The following PRKAG2 variants were observed in gnomAD, a reference collection of about 807,000 sequenced individuals.
The protein encoded by PRKAG2 is protein kinase AMP-activated non-catalytic subunit gamma 2.
PRKAG2 carries 26 observed loss-of-function variants against 69.6 expected under a neutral mutation model. That is an observed-to-expected ratio of 0.37 (90% confidence interval 0.27 to 0.52). The LOEUF is 0.52. PRKAG2 is among the 20% of genes least tolerant of loss of function. The probability of loss-of-function intolerance (pLI) is 0.90; values close to 1 mark genes in which losing one functional copy is unlikely to be tolerated. For synonymous variants in PRKAG2, 293 were observed against 285.0 expected (o/e 1.03, Z -0.28); for missense variants, 557 against 740.0 (o/e 0.75, Z 2.87).
At chr7:151,792,964 A>C (rs762393868) in intron 1 of PRKAG2, among the ~76,000 whole-genome samples, 1 of 152,196 alleles carries the variant, frequency 6.6e-6, no homozygotes, top group African/African-American at 2.4e-5. Flanking sequence ...CCGGAGCCCC[A>C]GCTCTGTGAT....
chr7:151,700,081 C>T (rs541951708), intron 3 of PRKAG2, among the ~76,000 whole-genome samples: 1 of 152,296 alleles, frequency 6.6e-6, no homozygotes, highest in African/African-American at 2.4e-5. Flanking sequence ...CCTGTCATCT[C>T]ATAGGAAACA....
chr7:151,572,530 C>T (rs1280050205), intron 9 of PRKAG2, 134 bp downstream of exon 9: 2 of 695,266 alleles, frequency 2.9e-6, no homozygotes, highest in Admixed American at 2.5e-5. Flanking sequence ...TCAAAATTAA[C>T]AGAAATAAAG....
chr7:151,632,895 C>T lies in PRKAG2; in HGVS notation c.685-757G>A, dbSNP rs1385088116. On this transcript the variant is annotated intron_variant, in intron 4 of 15. Coordinates refer to ENST00000287878, the MANE Select transcript of PRKAG2 (RefSeq NM_016203.4). The surrounding 1 kb of genome is among the most constrained non-coding windows in gnomAD (Gnocchi z 4.2). ...TCGGTTGGGGAGCCGCTGCCAAAAA[C>T]GTACACACCCTGAATCTGGCCCTGG... The T allele has an allele frequency of 6.7e-6, 1 of 149,022 alleles. No homozygotes were observed. The highest frequency in any genetic ancestry group is 2.5e-5 in the African/African-American group (1 of 40,360). 9.2% of individuals were successfully genotyped at this position (149,022 alleles called of 1,614,324 possible).
At chr7:151,778,833 T>C (rs908218556) in intron 3 of PRKAG2, among the ~76,000 whole-genome samples, 5 of 152,164 alleles carry the variant, frequency 3.3e-5, no homozygotes, top group African/African-American at 4.8e-5. Context: ...ACCCATCCAC[T>C]CCTAATTCTT....
At chr7:151,569,369 G>T (rs899289794) in intron 10 of PRKAG2, among the ~76,000 whole-genome samples, 27 of 152,238 alleles carry the variant, frequency 1.8e-4, no homozygotes, top group African/African-American at 6.0e-4. Flanking sequence ...TGTATTTAGT[G>T]ATTTTATTTG....
intron 4 of PRKAG2, among the ~76,000 whole-genome samples, chr7:151,665,326 C>A (rs1157721019): frequency 1.3e-5 from 2 of 152,160 alleles, no homozygotes; most frequent in African/African-American, 4.8e-5. Context: ...AACAGCTTTT[C>A]TTTGGAGCTC....
chr7:151,773,398 A>C (rs553400933), intron 3 of PRKAG2, among the ~76,000 whole-genome samples: 1 of 152,322 alleles, frequency 6.6e-6, no homozygotes, highest in South Asian at 2.1e-4. Flanking sequence ...CAGCACCTGG[A>C]CTAAAAGTGG....
chr7:151,628,169 G>A (rs992062304), intron 5 of PRKAG2, among the ~76,000 whole-genome samples: 6 of 152,126 alleles, frequency 3.9e-5, no homozygotes, highest in African/African-American at 1.4e-4. Context: ...GAGAGAATGC[G>A]GACCGCTCTA....
At chr7:151,617,260 G>A (rs1013621275) in intron 5 of PRKAG2, among the ~76,000 whole-genome samples, 11 of 33,620 alleles carry the variant, frequency 3.3e-4, no homozygotes, top group Non-Finnish European at 6.3e-4. Flanking sequence ...GGGAAGGAGC[G>A]AGGGAAGGAG....
Position 151,632,021 on chromosome 7 carries a change from G to A in PRKAG2, c.754+48C>T, listed in dbSNP as rs1563304722. 26 of 1,251,244 alleles carry A rather than the reference G, an allele frequency of 2.1e-5. No individual in the cohort carries two copies. The highest frequency in any genetic ancestry group is 2.4e-5 in the Non-Finnish European group (24 of 989,028). 77.5% of individuals were successfully genotyped at this position (1,251,244 alleles called of 1,614,324 possible). A position where few individuals can be genotyped will look rare whatever the true frequency, so the allele number is the denominator to read the frequency against. The stretch of plus-strand genomic sequence containing the variant: ...TCCCCGCGGGTCCCGGTCCTCGGGC[G>A]GCCGGGCCGTGGGAGCGCCGGGCCG... On this transcript the variant is annotated intron_variant, in intron 5 of 15. Coordinates refer to ENST00000287878, the MANE Select transcript of PRKAG2 (RefSeq NM_016203.4). The surrounding 1 kb of genome is among the most constrained non-coding windows in gnomAD (Gnocchi z 4.2).
At chr7:151,738,650 C>T (rs960398464) in intron 3 of PRKAG2, among the ~76,000 whole-genome samples, 1 of 152,280 alleles carries the variant, frequency 6.6e-6, no homozygotes, top group African/African-American at 2.4e-5. Context: ...CTAGCCCAAC[C>T]TATTCCTTTA....
At chr7:151,806,727 A>C in intron 1 of PRKAG2, 1 of 310,384 alleles carries the variant, frequency 3.2e-6, no homozygotes, top group South Asian at 2.7e-5. Flanking sequence ...GAGGACTTTG[A>C]GGTGGAGACG....
chr7:151,560,366 T>G, intron 15 of PRKAG2, 158 bp downstream of exon 15: 1 of 1,539,916 alleles, frequency 6.5e-7, no homozygotes, highest in Non-Finnish European at 8.7e-7. Context: ...CACTTAAACT[T>G]CCCAACTGAA....
chr7:151,586,515 C>G (rs1365863214), intron 6 of PRKAG2, among the ~76,000 whole-genome samples: 1 of 152,206 alleles, frequency 6.6e-6, no homozygotes, highest in African/African-American at 2.4e-5. Context: ...TTAGGAATCT[C>G]CTTTGTAAGT....
At chr7:151,681,802 G>A (rs1042852153) in intron 3 of PRKAG2, among the ~76,000 whole-genome samples, 5 of 152,084 alleles carry the variant, frequency 3.3e-5, no homozygotes, top group African/African-American at 4.8e-5. Flanking sequence ...GGGTATCACC[G>A]AGAGAAAGAA....
rs141185912 is a variant in PRKAG2 at position 151,698,285 on chromosome 7, C to A, written c.467-22648G>T. Among the ~76,000 whole-genome samples the A allele has an allele frequency of 4.4e-3, 664 of 152,294 alleles. 5 individuals carry two copies. Among genetic ancestry groups the A allele is most frequent in the Middle Eastern group, 0.02 (6 of 294 alleles). Reference sequence around the variant, plus strand: ...AGGTCCCTTGTGAGGCCTCAGCTGTCCCCACTGTCCCTCTGAGCCTCCTCC... The same window carrying A: ...AGGTCCCTTGTGAGGCCTCAGCTGTACCCACTGTCCCTCTGAGCCTCCTCC... On this transcript the variant is annotated intron_variant, in intron 3 of 15. Transcript: ENST00000287878.
At chr7:151,679,361 A>G (rs1369292531) in intron 3 of PRKAG2, among the ~76,000 whole-genome samples, 1 of 152,160 alleles carries the variant, frequency 6.6e-6, no homozygotes, top group Admixed American at 6.5e-5. Context: ...CTGCAGCAAC[A>G]AAGTCTCCAG....
chr7:151,690,446 GA>G (rs1358611408), intron 3 of PRKAG2, among the ~76,000 whole-genome samples: 8 of 152,134 alleles, frequency 5.3e-5, no homozygotes, highest in African/African-American at 1.9e-4. Flanking sequence ...GCTCTTCCCC[GA>G]AAGGTTCCTG....
At chr7:151,616,510 G>A (rs1292556058) in intron 5 of PRKAG2, among the ~76,000 whole-genome samples, 4 of 152,252 alleles carry the variant, frequency 2.6e-5, no homozygotes, top group Non-Finnish European at 4.4e-5. Flanking sequence ...CAGAACTACT[G>A]CAGGAATAGG....
Sources: gnomAD v4.1 joint callset for allele counts (sites outside exome capture counted in the v4.1 genomes callset) on GRCh38, gnomAD v4.1.1 for gene constraint, Gnocchi (gnomAD v3.1) non-coding constraint, MANE v1.5 for transcripts, NCBI Gene and HGNC (gene_info 2026-07-23, HGNC 2026-07-21) for gene names.